Variants in PHKB observed in about 807,000 individuals in gnomAD.
PHKB encodes the protein phosphorylase kinase regulatory subunit beta, also known as phosphorylase b kinase regulatory subunit beta.
PHKB carries 122 observed loss-of-function variants against 152.1 expected under a neutral mutation model. That is an observed-to-expected ratio of 0.80 (90% CI 0.69 to 0.93). The LOEUF (loss-of-function observed/expected upper bound fraction) is 0.93, where lower values mean the gene tolerates loss of function less well. Ranked by LOEUF, PHKB falls within the 40% of genes least tolerant of loss-of-function variation. PHKB has a pLI of 0.00. For missense variants in PHKB, 1,304 were observed against 1,328.4 expected (o/e 0.98, Z 0.29); for synonymous variants, 436 against 464.9 (o/e 0.94, Z 0.80).
chr16:47,623,769 G>A (rs942669506), intron 14 of PHKB, among the ~76,000 whole-genome samples: 5 of 151,928 alleles, frequency 3.3e-5, no homozygotes, highest in African/African-American at 1.2e-4. Context: ...GGTTGACCAG[G>A]TTGGTCTCGA....
At chr16:47,547,193 T>C (rs1253483767) in intron 6 of PHKB, among the ~76,000 whole-genome samples, 2 of 152,124 alleles carry the variant, frequency 1.3e-5, no homozygotes, top group Non-Finnish European at 2.9e-5. Context: ...GTGTTGATCA[T>C]GCTGGGAGCT....
chr16:47,482,425 C>T (rs889131850), intron 1 of PHKB, among the ~76,000 whole-genome samples: 11 of 152,058 alleles, frequency 7.2e-5, no homozygotes, highest in South Asian at 2.1e-4. Flanking sequence ...TGTGTTTTTT[C>T]CTGCTAACAT....
At chr16:47,495,533 G>A (rs965957846) in intron 1 of PHKB, among the ~76,000 whole-genome samples, 6 of 151,968 alleles carry the variant, frequency 3.9e-5, no homozygotes, top group Middle Eastern at 3.2e-3. Context: ...CTCAGCAAAG[G>A]TGTCCCCTTT....
At chr16:47,686,100 C>T (rs1399791847) in intron 26 of PHKB, among the ~76,000 whole-genome samples, 1 of 152,164 alleles carries the variant, frequency 6.6e-6, no homozygotes, top group Non-Finnish European at 1.5e-5. Context: ...GAGTGAAAAA[C>T]CTGCTTCCTT....
Position 47,701,008 on chromosome 16 carries a change from G to A in PHKB, c.*1642G>A, listed in dbSNP as rs994772621. 6.6e-6 allele frequency: 1 copy of A among 151,862 alleles called. No homozygotes were observed. Among genetic ancestry groups the A allele is most frequent in the Non-Finnish European group, 1.5e-5 (1 of 67,986 alleles). The allele number at this position is 151,862 out of a possible 1,614,324, so 9.4% of individuals were successfully genotyped here. On this transcript the variant is annotated 3_prime_UTR_variant, in exon 31 of 31. Transcript: ENST00000323584. Reference sequence around the variant, plus strand: ...TTGGGCCCTAAAGAACTAAGGAGGGGGATTGACAAAGAATAGAATTAAACT... The same window carrying A: ...TTGGGCCCTAAAGAACTAAGGAGGGAGATTGACAAAGAATAGAATTAAACT...
chr16:47,647,280 C>T (rs1260289125), intron 16 of PHKB, among the ~76,000 whole-genome samples: 6 of 152,042 alleles, frequency 3.9e-5, no homozygotes, highest in South Asian at 2.1e-4. Context: ...TGTGTCACCA[C>T]GCCCGGCTAA....
At chr16:47,629,786 A>G (rs1468332287) in intron 14 of PHKB, among the ~76,000 whole-genome samples, 2 of 152,354 alleles carry the variant, frequency 1.3e-5, no homozygotes, top group East Asian at 1.9e-4. Flanking sequence ...GATGTCCAAC[A>G]GTGACAGACT....
At chr16:47,505,708 T>A (rs1970404337) in intron 4 of PHKB, among the ~76,000 whole-genome samples, 1 of 152,162 alleles carries the variant, frequency 6.6e-6, no homozygotes, top group Non-Finnish European at 1.5e-5. Context: ...GTTTATTTTT[T>A]ATCATACAAA....
chr16:47,605,535 C>T (rs115591588), intron 13 of PHKB, among the ~76,000 whole-genome samples: 4 of 152,060 alleles, frequency 2.6e-5, no homozygotes, highest in African/African-American at 7.2e-5. Context: ...AAAACTTGTT[C>T]GTTTTAGAAA....
At chr16:47,542,432 G>A (rs1023836521) in intron 6 of PHKB, among the ~76,000 whole-genome samples, 14 of 152,072 alleles carry the variant, frequency 9.2e-5, no homozygotes, top group East Asian at 5.8e-4. Context: ...GTCAGGTAGC[G>A]TGATGCCTCC....
At chr16:47,575,317 C>T (rs1160646721) in intron 7 of PHKB, among the ~76,000 whole-genome samples, 1 of 152,190 alleles carries the variant, frequency 6.6e-6, no homozygotes, top group Non-Finnish European at 1.5e-5. Context: ...CTTAAAATAG[C>T]ACTACCTTTC....
Position 47,699,313 on chromosome 16 carries a change from C to T in PHKB, c.3229C>T (p.Leu1077=), listed in dbSNP as rs768937097. ...SYLTKAVMNL[L]LEGEVKPNND... ...TTTGACAAAGGCGGTGATGAATCTG[C>T]TGCTGGAAGGAGAAGTCAAGCCAAA... The change falls in exon 31 of 31, where the codon CTG becomes TTG. Residue 1077 remains leucine (L), a synonymous_variant. Coordinates refer to ENST00000323584, the MANE Select transcript of PHKB (RefSeq NM_000293.3). 1 of 1,614,166 alleles carries T rather than the reference C, an allele frequency of 6.2e-7. No homozygotes were observed. Among genetic ancestry groups the T allele is most frequent in the Admixed American group, 1.7e-5 (1 of 60,032 alleles).
At position 47,699,537 on chromosome 16, in the gene PHKB, G is replaced by A. The variant is rs1326850665; in HGVS notation, c.*171G>A. On this transcript the variant is annotated 3_prime_UTR_variant, in exon 31 of 31. Coordinates refer to ENST00000323584, the MANE Select transcript of PHKB (RefSeq NM_000293.3). Reference sequence around the variant, plus strand: ...CTTGCATGTCATAGCCAATCTAACGGTAATGGTAAATGCTTTTAATCAAGC... The same window carrying A: ...CTTGCATGTCATAGCCAATCTAACGATAATGGTAAATGCTTTTAATCAAGC... 5.3e-6 allele frequency: 4 copies of A among 747,738 alleles called. No homozygotes were observed. In the African/African-American group the frequency reaches 6.8e-5, roughly 13 times the overall value. 46.3% of individuals were successfully genotyped at this position (747,738 alleles called of 1,614,324 possible). A position where few individuals can be genotyped will look rare whatever the true frequency, so the allele number is the denominator to read the frequency against.
At chr16:47,562,710 G>T (rs1971496957) in intron 7 of PHKB, among the ~76,000 whole-genome samples, 2 of 152,196 alleles carry the variant, frequency 1.3e-5, no homozygotes, top group Admixed American at 6.5e-5. Flanking sequence ...GATTGGAATG[G>T]CTGTGACACT....
chr16:47,650,733 G>T, intron 19 of PHKB, 98 bp from the exon 20 acceptor site: 2 of 1,226,450 alleles, frequency 1.6e-6, no homozygotes, highest in South Asian at 1.2e-5. Flanking sequence ...CTTAGTATGT[G>T]GTGGAATACT....
intron 4 of PHKB, among the ~76,000 whole-genome samples, chr16:47,506,205 G>GA (rs1012115092): frequency 4.0e-5 from 6 of 149,398 alleles, no homozygotes; most frequent in African/African-American, 7.4e-5. Flanking sequence ...AGAAAAGAAA[G>GA]AAAAAAAATA....
At chr16:47,502,314 T>C (rs971317132) in intron 3 of PHKB, among the ~76,000 whole-genome samples, 4 of 152,186 alleles carry the variant, frequency 2.6e-5, no homozygotes, top group African/African-American at 9.7e-5. Flanking sequence ...CAAACTAGGT[T>C]TGGTTAAGGT....
At chr16:47,590,440 C>T (rs1302238156) in intron 10 of PHKB, 2 of 152,038 alleles carry the variant, frequency 1.3e-5, no homozygotes, top group Non-Finnish European at 2.9e-5. Context: ...TCACGGTTGA[C>T]TATCACTTGG....
At chr16:47,500,029 T>G in intron 3 of PHKB, 135 bp downstream of exon 3, 1 of 979,102 alleles carries the variant, frequency 1.0e-6, no homozygotes, top group South Asian at 1.3e-5. Flanking sequence ...ACATCCCTTT[T>G]TAGGCCTCTA....
Sources: gnomAD v4.1 joint callset for allele counts (sites outside exome capture counted in the v4.1 genomes callset) on GRCh38, gnomAD v4.1.1 for gene constraint, MANE v1.5 for transcripts, NCBI Gene and HGNC (gene_info 2026-07-23, HGNC 2026-07-21) for gene names.